The following KCNMB2 variants were observed in gnomAD, a reference collection of about 807,000 sequenced individuals.
KCNMB2 encodes potassium calcium-activated channel subfamily M regulatory beta subunit 2.
In KCNMB2, 9 loss-of-function variants were observed where a neutral mutation model predicts 24.5. The observed-to-expected ratio is 0.37, with a 90% CI of 0.22 to 0.64. KCNMB2 has a LOEUF of 0.64. Ranked by LOEUF, KCNMB2 falls within the 30% of genes least tolerant of loss-of-function variation. KCNMB2 has a pLI of 0.63. For missense variants in KCNMB2, 226 were observed against 284.3 expected, an observed-to-expected ratio of 0.79 and a Z score of 1.47; for synonymous variants, 109 against 104.4, an observed-to-expected ratio of 1.04 and a Z score of -0.27.
At chr3:178,751,367 T>C (rs1452539231) in intron 1 of KCNMB2, among the ~76,000 whole-genome samples, 2 of 151,728 alleles carry the variant, frequency 1.3e-5, no homozygotes, top group East Asian at 3.9e-4. Context: ...GATCACAACG[T>C]CAGGAGTTTG....
At chr3:178,825,148 C>G (rs1483294634) in intron 2 of KCNMB2, among the ~76,000 whole-genome samples, 1 of 152,068 alleles carries the variant, frequency 6.6e-6, no homozygotes, top group Non-Finnish European at 1.5e-5. Flanking sequence ...TGATATATTC[C>G]TAGTATATGT....
intron 1 of KCNMB2, among the ~76,000 whole-genome samples, chr3:178,622,266 C>T (rs1482966464): frequency 6.6e-6 from 1 of 152,162 alleles, no homozygotes; most frequent in Non-Finnish European, 1.5e-5. Flanking sequence ...TGCCTGGACA[C>T]AGTGGGTGTT....
chr3:178,825,699 G>A lies in KCNMB2; in HGVS notation c.168G>A (p.Val56=), dbSNP rs1714806222. ...TTCTCCTGGGACTGGCTATGATGGTGTGCTCCATCATGATGTATTTTCTGC... is the reference window on the plus strand; with the variant it reads ...TTCTCCTGGGACTGGCTATGATGGTATGCTCCATCATGATGTATTTTCTGC... The part of the protein sequence containing the change: ...RAILLGLAMM[V]CSIMMYFLLG... The change falls in exon 3 of 5, where the codon GTG becomes GTA. Residue 56 remains valine (V), a synonymous_variant. Coordinates refer to ENST00000452583, the MANE Select transcript of KCNMB2 (RefSeq NM_181361.3). 1.2e-6 allele frequency: 2 copies of A among 1,614,008 alleles called. No individual in the cohort carries two copies. Among genetic ancestry groups the A allele is most frequent in the South Asian group, 1.1e-5 (1 of 91,082 alleles).
At chr3:178,550,590 G>C (rs1429984142) in intron 1 of KCNMB2, among the ~76,000 whole-genome samples, 1 of 151,912 alleles carries the variant, frequency 6.6e-6, no homozygotes, top group Non-Finnish European at 1.5e-5. Flanking sequence ...TGAGAGAAAT[G>C]CCATACAAAG....
chr3:178,807,595 G>A (rs543087220), intron 2 of KCNMB2, 130 bp downstream of exon 2: 5 of 695,260 alleles, frequency 7.2e-6, no homozygotes, highest in South Asian at 6.0e-5. Flanking sequence ...CTACAGTACA[G>A]GAGTAGGGTT....
In KCNMB2 at chr3:178,610,233, G is replaced by C. The variant is rs548066466; in HGVS notation, c.-68+73522G>C. ...GTGATTCCTCCAGTTTTTTGCTTAG[G>C]ATAGCTTTGGCTATTCTGGATCTTT... On this transcript the variant is annotated intron_variant, in intron 1 of 4. Coordinates refer to ENST00000452583, the MANE Select transcript of KCNMB2 (RefSeq NM_181361.3). Among the ~76,000 whole-genome samples, 3 of 152,126 alleles carry C rather than the reference G, an allele frequency of 2.0e-5. No homozygotes were observed. The South Asian group carries it at 6.2e-4, about 32-fold the overall frequency.
chr3:178,758,152 A>G (rs193233682), intron 1 of KCNMB2, among the ~76,000 whole-genome samples: 4,406 of 77,312 alleles, frequency 0.057, 707 homozygotes, highest in Middle Eastern at 0.11. Flanking sequence ...ATATATATAT[A>G]TATATCCAAG....
chr3:178,821,290 G>C (rs1714615699), intron 2 of KCNMB2, among the ~76,000 whole-genome samples: 2 of 152,084 alleles, frequency 1.3e-5, no homozygotes, highest in Non-Finnish European at 2.9e-5. Flanking sequence ...AGGATACATA[G>C]GGCTGTGGCC....
intron 1 of KCNMB2, among the ~76,000 whole-genome samples, chr3:178,692,728 C>A (rs1041139346): frequency 4.1e-4 from 62 of 151,972 alleles, no homozygotes; most frequent in African/African-American, 1.3e-3. Context: ...GCTGTTTGGG[C>A]TTTTGTTGTG....
intron 1 of KCNMB2, among the ~76,000 whole-genome samples, chr3:178,700,549 C>T (rs1017493025): frequency 6.6e-6 from 1 of 152,274 alleles, no homozygotes; most frequent in Middle Eastern, 3.4e-3. Context: ...GGAAAACAAG[C>T]CCAAGAAGGT....
At chr3:178,814,765 CT>C (rs143719228) in intron 2 of KCNMB2, among the ~76,000 whole-genome samples, 1 of 151,806 alleles carries the variant, frequency 6.6e-6, no homozygotes, top group Non-Finnish European at 1.5e-5. Flanking sequence ...ATATATGTGT[CT>C]TTTTTTTGAG....
Position 178,758,156 on chromosome 3 carries a change from ATC to A in KCNMB2, c.-67-49186_-67-49185del, listed in dbSNP as rs1286684051. 1.1e-3 allele frequency among the ~76,000 whole-genome samples: 89 copies of A among 80,978 alleles called. 5 individuals are homozygous for A. The highest frequency in any genetic ancestry group is 3.9e-3 in the African/African-American group (80 of 20,296). The allele number at this position is 80,978 out of a possible 152,430, so 53.1% of individuals were successfully genotyped here. A position where few individuals can be genotyped will look rare whatever the true frequency, so the allele number is the denominator to read the frequency against. ...CACAAGAGGATATATATATATATAT[ATC>A]CAAGAGGATATATATATATATATCC... is the stretch of plus-strand genomic sequence containing the variant. On this transcript the variant is annotated intron_variant, in intron 1 of 4. Coordinates refer to ENST00000452583, the MANE Select transcript of KCNMB2 (RefSeq NM_181361.3).
intron 1 of KCNMB2, among the ~76,000 whole-genome samples, chr3:178,644,847 G>A (rs550014192): frequency 1.3e-5 from 2 of 152,116 alleles, no homozygotes; most frequent in Non-Finnish European, 2.9e-5. Context: ...TCATTTTGTA[G>A]AGCTTTAGTT....
intron 1 of KCNMB2, among the ~76,000 whole-genome samples, chr3:178,702,174 T>C (rs915129141): frequency 1.3e-5 from 2 of 150,474 alleles, no homozygotes; most frequent in Non-Finnish European, 2.9e-5. Context: ...CAGCAAACTA[T>C]CACAAGGACA....
intron 4 of KCNMB2, among the ~76,000 whole-genome samples, chr3:178,828,763 A>G (rs149952514): frequency 2.0e-5 from 3 of 152,284 alleles, no homozygotes; most frequent in Non-Finnish European, 4.4e-5. Context: ...TCCATGGTCA[A>G]TGTCATTTAG....
At position 178,723,118 on chromosome 3, in the gene KCNMB2, T is replaced by C. The variant is rs747664751; in HGVS notation, c.-67-84225T>C. Among the ~76,000 whole-genome samples the C allele has an allele frequency of 3.9e-5, 6 of 152,214 alleles. No individual in the cohort carries two copies. In the East Asian group the frequency reaches 5.8e-4, roughly 15 times the overall value. ...ACCACATTGTCTTACTATAGCATTA[T>C]AGTAATCTTAAAATCAGTAATATAA... is the stretch of plus-strand genomic sequence containing the variant. On this transcript the variant is annotated intron_variant, in intron 1 of 4. Transcript: ENST00000452583.
At chr3:178,828,926 T>TGTGA (rs201212789) in intron 4 of KCNMB2, among the ~76,000 whole-genome samples, 2,547 of 18,128 alleles carry the variant, frequency 0.14, 41 homozygotes, top group South Asian at 0.17. Context: ...CCATGGTCAC[T>TGTGA]GTGTGTGTGT....
rs537051602 is a variant in KCNMB2, at chr3:178,574,080, C to A, written c.-68+37369C>A. ...AGATTATTTTTTCCAAGAATAGAGCCAAACATGTGGCACTCTAAATTCGAC... is the reference window on the plus strand; with the variant it reads ...AGATTATTTTTTCCAAGAATAGAGCAAAACATGTGGCACTCTAAATTCGAC... On this transcript the variant is annotated intron_variant, in intron 1 of 4. Coordinates refer to ENST00000452583, the MANE Select transcript of KCNMB2 (RefSeq NM_181361.3). Among the ~76,000 whole-genome samples the A allele has an allele frequency of 2.8e-4, 42 of 152,122 alleles. No individual in the cohort carries two copies. In the South Asian group the frequency reaches 8.7e-3, roughly 32 times the overall value.
At chr3:178,639,520 G>A (rs1446434102) in intron 1 of KCNMB2, among the ~76,000 whole-genome samples, 1 of 152,144 alleles carries the variant, frequency 6.6e-6, no homozygotes, top group African/African-American at 2.4e-5. Context: ...TTATCTACAA[G>A]ATGGTTAAAT....
Sources: gnomAD v4.1 joint callset for allele counts (sites outside exome capture counted in the v4.1 genomes callset) on GRCh38, gnomAD v4.1.1 for gene constraint, MANE v1.5 for transcripts, NCBI Gene and HGNC (gene_info 2026-07-23, HGNC 2026-07-21) for gene names.